CLVS1: variants seen among roughly 807,000 people sequenced by gnomAD.
The protein encoded by CLVS1 is clavesin-1.
A neutral mutation model predicts 33.1 loss-of-function variants in CLVS1; 10 were observed. That is an observed-to-expected ratio of 0.30 (90% CI 0.19 to 0.51). CLVS1 has a LOEUF of 0.51. CLVS1 is among the 20% of genes least tolerant of loss of function. CLVS1 has a pLI of 0.97. For synonymous variants in CLVS1, 163 were observed against 166.1 expected, an observed-to-expected ratio of 0.98 and a Z score of 0.14; for missense variants, 343 against 433.4, an observed-to-expected ratio of 0.79 and a Z score of 1.85.
intron 3 of CLVS1, among the ~76,000 whole-genome samples, chr8:61,408,909 C>T (rs189739743): frequency 2.2e-4 from 33 of 152,234 alleles, no homozygotes; most frequent in African/African-American, 7.5e-4. Flanking sequence ...TATGGGGAAA[C>T]GATGGTCTCC....
chr8:61,273,515 C>G (rs1410111964), intron 2 of CLVS1, among the ~76,000 whole-genome samples: 1 of 152,270 alleles, frequency 6.6e-6, no homozygotes, highest in African/African-American at 2.4e-5. Flanking sequence ...GTGGTGGGCT[C>G]CGCCCAGTTG....
intron 1 of CLVS1, among the ~76,000 whole-genome samples, chr8:61,078,650 G>C (rs1804968301): frequency 1.3e-5 from 2 of 152,118 alleles, no homozygotes; most frequent in Non-Finnish European, 2.9e-5. Flanking sequence ...GGACACTTTT[G>C]AGTCCACTAA....
At chr8:61,387,243 C>T (rs1037280387) in intron 3 of CLVS1, among the ~76,000 whole-genome samples, 2 of 151,900 alleles carry the variant, frequency 1.3e-5, no homozygotes, top group South Asian at 2.1e-4. Context: ...AAAAATTAGC[C>T]GGTCATGATG....
chr8:61,343,527 T>A (rs1389812143), intron 2 of CLVS1, among the ~76,000 whole-genome samples: 1 of 152,216 alleles, frequency 6.6e-6, no homozygotes, highest in Non-Finnish European at 1.5e-5. Context: ...AATGTACTTG[T>A]ACTACATAAT....
At chr8:61,134,183 T>G (rs1349226982) in intron 2 of CLVS1, among the ~76,000 whole-genome samples, 1 of 151,884 alleles carries the variant, frequency 6.6e-6, no homozygotes, top group African/African-American at 2.4e-5. Flanking sequence ...GAGAAAGAAA[T>G]AGACAGTTTA....
chr8:61,321,032 C>T (rs1811176745), intron 2 of CLVS1, among the ~76,000 whole-genome samples: 1 of 152,170 alleles, frequency 6.6e-6, no homozygotes, highest in African/African-American at 2.4e-5. Flanking sequence ...CCATTTAAAA[C>T]ATGCTTAAAA....
At chr8:61,005,897 G>A in the CLVS1 span, among the ~76,000 whole-genome samples, 4 of 152,220 alleles carry the variant, frequency 2.6e-5, no homozygotes, top group East Asian at 3.9e-4. Flanking sequence ...CAGCCGAGGC[G>A]GGGGAGTCGG....
chr8:61,408,968 T>A (rs556781534), intron 3 of CLVS1, among the ~76,000 whole-genome samples: 38 of 152,322 alleles, frequency 2.5e-4, no homozygotes, highest in Admixed American at 1.9e-3. Context: ...ATCAGCATCG[T>A]TATTAATCTT....
chr8:61,473,150 G>A (rs889392852), intron 5 of CLVS1, among the ~76,000 whole-genome samples: 2 of 151,972 alleles, frequency 1.3e-5, no homozygotes, highest in African/African-American at 4.8e-5. Flanking sequence ...ACTGGAATAT[G>A]AGAAAAGTAC....
At chr8:61,425,382 C>A (rs1412739336) in intron 3 of CLVS1, among the ~76,000 whole-genome samples, 1 of 152,096 alleles carries the variant, frequency 6.6e-6, no homozygotes, top group Non-Finnish European at 1.5e-5. Flanking sequence ...ATTTTGGATT[C>A]TCAAGTTCTA....
At chr8:61,463,663 A>C (rs1817448188) in intron 5 of CLVS1, among the ~76,000 whole-genome samples, 2 of 152,190 alleles carry the variant, frequency 1.3e-5, no homozygotes, top group African/African-American at 4.8e-5. Context: ...ACCATTTATC[A>C]ATTAAGTATA....
At chr8:61,033,961 C>T in the CLVS1 span, among the ~76,000 whole-genome samples, 11 of 152,306 alleles carry the variant, frequency 7.2e-5, no homozygotes, top group South Asian at 1.7e-3. Flanking sequence ...GAGAAAAGTC[C>T]TTTGCCAGCT....
chr8:61,175,249 G>A (rs575922061), intron 2 of CLVS1, among the ~76,000 whole-genome samples: 1 of 152,280 alleles, frequency 6.6e-6, no homozygotes, highest in African/African-American at 2.4e-5. Flanking sequence ...GAGGTCATGA[G>A]AATAGAGCCC....
chr8:61,442,756 C>T (rs1816606585), intron 3 of CLVS1, among the ~76,000 whole-genome samples: 1 of 152,108 alleles, frequency 6.6e-6, no homozygotes, highest in African/African-American at 2.4e-5. Flanking sequence ...CACGCCACCA[C>T]CCCTGACTAG....
intron 2 of CLVS1, among the ~76,000 whole-genome samples, chr8:61,281,623 G>A (rs1276436817): frequency 1.3e-5 from 2 of 152,166 alleles, no homozygotes; most frequent in African/African-American, 4.8e-5. Context: ...AGGGTATTTT[G>A]TCGTGGCAAC....
the CLVS1 span, among the ~76,000 whole-genome samples, chr8:61,041,930 G>C: frequency 6.6e-6 from 1 of 151,914 alleles, no homozygotes; most frequent in African/African-American, 2.4e-5. Context: ...ATCCATACTG[G>C]GCTGCGGAAA....
chr8:60,990,923 G>A, the CLVS1 span, among the ~76,000 whole-genome samples: 1 of 152,068 alleles, frequency 6.6e-6, no homozygotes, highest in Non-Finnish European at 1.5e-5. Context: ...TGTTGGCCAG[G>A]CTGGTCTTGA....
At chr8:61,272,937 G>C (rs1405041473) in intron 2 of CLVS1, among the ~76,000 whole-genome samples, 40 of 149,154 alleles carry the variant, frequency 2.7e-4, no homozygotes, top group Non-Finnish European at 4.2e-4. Flanking sequence ...CCTTTGGTTT[G>C]AATGTCCTCC....
intron 2 of CLVS1, among the ~76,000 whole-genome samples, chr8:61,240,593 T>C (rs908253147): frequency 6.6e-6 from 1 of 152,262 alleles, no homozygotes; most frequent in African/African-American, 2.4e-5. Context: ...TATTCACAAT[T>C]GTGCTCCCAG....
Sources: gnomAD v4.1 joint callset for allele counts (sites outside exome capture counted in the v4.1 genomes callset) on GRCh38, gnomAD v4.1.1 for gene constraint, MANE v1.5 for transcripts, NCBI Gene and HGNC (gene_info 2026-07-23, HGNC 2026-07-21) for gene names.